Variants in TET3 observed in about 807,000 individuals in gnomAD.
TET3 encodes the protein methylcytosine dioxygenase TET3.
TET3 carries 19 observed loss-of-function variants against 141.4 expected under a neutral mutation model. That is an observed-to-expected ratio of 0.13 (90% CI 0.09 to 0.20). The LOEUF (loss-of-function observed/expected upper bound fraction) is 0.20, where lower values mean the gene tolerates loss of function less well. Among genes scored for constraint, TET3 ranks in the 10% least tolerant of loss-of-function variants. The pLI, the probability that TET3 is intolerant of heterozygous loss-of-function variation, is 1.00. For missense variants in TET3, 1,874 were observed against 2,356.9 expected (o/e 0.80, Z 4.24); for synonymous variants, 1,043 against 980.9 (o/e 1.06, Z -1.18).
chr2:74,031,009 T>G (rs12713806), intron 3 of TET3, among the ~76,000 whole-genome samples: 51,817 of 151,858 alleles, frequency 0.34, 9,935 homozygotes, highest in African/African-American at 0.52. Flanking sequence ...AGGAAAAGGA[T>G]GCAGGCGCTG....
At position 74,047,597 on chromosome 2, in the gene TET3, G is replaced by T; in HGVS notation, c.1680G>T (p.Trp560Cys). 3 of 1,613,764 alleles carry T rather than the reference G, an allele frequency of 1.9e-6. No homozygotes were observed. Among genetic ancestry groups the T allele is most frequent in the Non-Finnish European group, 2.5e-6 (3 of 1,179,824 alleles). Residue 560 changes from tryptophan to cysteine, a missense_variant, in exon 4 of 12, where the codon TGG becomes TGT. By Grantham distance (215) the Trp-to-Cys change is radical. Coordinates refer to ENST00000409262, the MANE Select transcript of TET3 (RefSeq NM_001287491.2). ...CAGAGCCTTCTGCTCCTGGCTGGTG[G>T]CCCCCACCAAGTTCACCTGTCCCAC... is the stretch of plus-strand genomic sequence containing the variant. ...APSEPSAPGW[W>C]PPPSSPVPRL... is the part of the protein sequence containing the mutation.
intron 3 of TET3, among the ~76,000 whole-genome samples, chr2:74,033,331 AT>A (rs1254310140): frequency 1.3e-5 from 2 of 152,186 alleles, no homozygotes; most frequent in African/African-American, 4.8e-5. Context: ...ATGCGTTGTG[AT>A]TGAATTGAAC....
At chr2:74,023,537 A>G (rs1263638604) in intron 3 of TET3, among the ~76,000 whole-genome samples, 2 of 152,156 alleles carry the variant, frequency 1.3e-5, no homozygotes, top group African/African-American at 2.4e-5. Context: ...GCCACAGCGC[A>G]CAGTTTAGTT....
At chr2:74,022,489 T>G (rs892358541) in intron 3 of TET3, among the ~76,000 whole-genome samples, 1 of 151,848 alleles carries the variant, frequency 6.6e-6, no homozygotes, top group Non-Finnish European at 1.5e-5. Flanking sequence ...GGTTTTTTTT[T>G]GTTTGTTTTG....
At chr2:74,063,575 G>T (rs571068058) in intron 4 of TET3, among the ~76,000 whole-genome samples, 2 of 151,574 alleles carry the variant, frequency 1.3e-5, no homozygotes, top group South Asian at 4.1e-4. Flanking sequence ...AATGCTGCAT[G>T]ATTCCACTTA....
At chr2:74,081,595 CAT>C (rs1332325101) in intron 6 of TET3, among the ~76,000 whole-genome samples, 2 of 152,150 alleles carry the variant, frequency 1.3e-5, no homozygotes, top group African/African-American at 4.8e-5. Flanking sequence ...TGAGGAGAAT[CAT>C]GTGGGCAAAG....
rs1048683986 is a variant in TET3, at chr2:74,103,117, A to G, written c.*941A>G. On this transcript the variant is annotated 3_prime_UTR_variant, in exon 12 of 12. Coordinates refer to ENST00000409262, the MANE Select transcript of TET3 (RefSeq NM_001287491.2). ...GCCCACCATGTTGCCAAGCCAATGC[A>G]TGCTGAGCTGAAGGAATTTGTCTTA... 6.6e-6 allele frequency: 1 copy of G among 152,278 alleles called. No individual in the cohort carries two copies. The highest frequency in any genetic ancestry group is 2.4e-5 in the African/African-American group (1 of 41,462). 9.4% of individuals were successfully genotyped at this position (152,278 alleles called of 1,614,324 possible).
At position 74,106,264 on chromosome 2, in the gene TET3, C is replaced by T. The variant is rs1691500587; in HGVS notation, c.*4088C>T. 1 of 152,218 alleles carries T rather than the reference C, an allele frequency of 6.6e-6. No homozygotes were observed. Among genetic ancestry groups the T allele is most frequent in the Non-Finnish European group, 1.5e-5 (1 of 68,048 alleles). The allele number at this position is 152,218 out of a possible 1,614,324, so 9.4% of individuals were successfully genotyped here. On this transcript the variant is annotated 3_prime_UTR_variant, in exon 12 of 12. Transcript: ENST00000409262. ...TGTGATCGGGAGTGGGCCTGCCTGG[C>T]TTGGCAGGTGCTTTTTGGTTCCACA...
In TET3 at chr2:74,067,233, TACTC is replaced by T. The variant is rs1030493402; in HGVS notation, c.2495-6314_2495-6311del. Among the ~76,000 whole-genome samples the T allele has an allele frequency of 3.3e-5, 5 of 152,226 alleles. No homozygotes were observed. In the South Asian group the frequency reaches 6.2e-4, roughly 19 times the overall value. On this transcript the variant is annotated intron_variant, in intron 4 of 11. Coordinates refer to ENST00000409262, the MANE Select transcript of TET3 (RefSeq NM_001287491.2). ...TCATTTCTAACTTTTTAGTTGAAAA[TACTC>T]ATTCATGAAATGTTTAAGCACTGGT... is the stretch of plus-strand genomic sequence containing the variant.
At chr2:74,062,491 G>A (rs1374055816) in intron 4 of TET3, among the ~76,000 whole-genome samples, 2 of 152,304 alleles carry the variant, frequency 1.3e-5, no homozygotes, top group African/African-American at 4.8e-5. Flanking sequence ...TGTAGCAGAG[G>A]GAAATATGTT....
the TET3 span, among the ~76,000 whole-genome samples, chr2:74,124,444 G>A: frequency 6.6e-6 from 1 of 152,234 alleles, no homozygotes; most frequent in African/African-American, 2.4e-5. Context: ...GTACCCAACA[G>A]CTCATTGAGA....
chr2:74,046,522 C>A lies in TET3; in HGVS notation c.605C>A (p.Ala202Asp). 1 of 1,614,040 alleles carries A rather than the reference C, an allele frequency of 6.2e-7. No individual in the cohort carries two copies. Among genetic ancestry groups the A allele is most frequent in the Non-Finnish European group, 8.5e-7 (1 of 1,179,886 alleles). ...ARLEDAHDLVAFSAVAEAVSS... is the reference protein window; with the variant it reads ...ARLEDAHDLVDFSAVAEAVSS... ...CTGGAAGATGCCCACGATCTGGTGG[C>A]CTTTTCGGCTGTGGCCGAAGCTGTG... The change falls in exon 4 of 12, where the codon GCC becomes GAC. Residue 202 changes from alanine (A) to aspartate (D), a missense_variant. Transcript: ENST00000409262. This position sits in a 1 kb window ranked among gnomAD's most constrained non-coding sequence, Gnocchi z 4.3.
At chr2:74,017,901 A>AT (rs1685818573) in intron 3 of TET3, among the ~76,000 whole-genome samples, 1 of 133,502 alleles carries the variant, frequency 7.5e-6, no homozygotes, top group South Asian at 2.4e-4. Context: ...ACCATCATTT[A>AT]TTTTTTGTCT....
At chr2:74,133,747 T>A in the TET3 span, among the ~76,000 whole-genome samples, 1 of 152,168 alleles carries the variant, frequency 6.6e-6, no homozygotes, top group Non-Finnish European at 1.5e-5. Context: ...TATTCTGTTT[T>A]TTTGTTTGTT....
At chr2:74,078,395 G>A (rs1476008571) in intron 5 of TET3, among the ~76,000 whole-genome samples, 1 of 152,146 alleles carries the variant, frequency 6.6e-6, no homozygotes, top group Non-Finnish European at 1.5e-5. Context: ...TAAACCAAAT[G>A]TGGTCCATTA....
At chr2:74,129,820 G>A in the TET3 span, among the ~76,000 whole-genome samples, 2 of 151,534 alleles carry the variant, frequency 1.3e-5, no homozygotes, top group Admixed American at 1.3e-4. Flanking sequence ...TAGGCCAGGT[G>A]CAGTGGCTCA....
intron 3 of TET3, among the ~76,000 whole-genome samples, chr2:74,016,345 T>C (rs568721885): frequency 1.5e-3 from 229 of 151,830 alleles, no homozygotes; most frequent in African/African-American, 5.0e-3. Flanking sequence ...TACTTACTCA[T>C]GTATGCCAGG....
At chr2:74,038,197 G>A (rs1687167563) in intron 3 of TET3, among the ~76,000 whole-genome samples, 1 of 152,212 alleles carries the variant, frequency 6.6e-6, no homozygotes, top group South Asian at 2.1e-4. Flanking sequence ...GGTGGGAAAT[G>A]TGACTGGGGT....
intron 11 of TET3, 129 bp from the exon 12 acceptor site, chr2:74,100,264 C>T: frequency 9.7e-7 from 1 of 1,025,704 alleles, no homozygotes; most frequent in Non-Finnish European, 1.4e-6. Context: ...CTCAGCACCT[C>T]ACCTGCCTGT....
Sources: allele counts gnomAD v4.1 joint callset (sites outside exome capture counted in the v4.1 genomes callset), GRCh38; gene constraint gnomAD v4.1.1; non-coding constraint Gnocchi (gnomAD v3.1); transcripts MANE v1.5; gene names NCBI Gene and HGNC (gene_info 2026-07-23, HGNC 2026-07-21).